Variants in ARSB observed in about 807,000 individuals in gnomAD.
ARSB encodes the protein N-acetylgalactosamine-4-sulfatase.
A neutral mutation model predicts 50.9 loss-of-function variants in ARSB; 41 were observed. That is an observed-to-expected ratio of 0.81 (90% CI 0.63 to 1.04). ARSB has a LOEUF of 1.04. Ranked by LOEUF, ARSB falls within the 50% of genes least tolerant of loss-of-function variation. ARSB has a pLI of 0.00. For synonymous variants in ARSB, 269 were observed against 284.8 expected (o/e 0.94, Z 0.56); for missense variants, 672 against 693.3 (o/e 0.97, Z 0.35).
chr5:78,961,864 C>CT (rs1751999316), intron 3 of ARSB, among the ~76,000 whole-genome samples: 1 of 151,982 alleles, frequency 6.6e-6, no homozygotes, highest in Non-Finnish European at 1.5e-5. Flanking sequence ...ATTAGAATCA[C>CT]TGGTAGGAGC....
At chr5:78,846,351 G>A (rs935619025) in intron 5 of ARSB, among the ~76,000 whole-genome samples, 1 of 152,070 alleles carries the variant, frequency 6.6e-6, no homozygotes, top group African/African-American at 2.4e-5. Flanking sequence ...ATTCAGGATT[G>A]CTTTGGCTAT....
At chr5:78,945,316 A>C (rs1751169164) in intron 4 of ARSB, among the ~76,000 whole-genome samples, 1 of 152,152 alleles carries the variant, frequency 6.6e-6, no homozygotes, top group Non-Finnish European at 1.5e-5. Flanking sequence ...CCCCAGTGAG[A>C]TGAACCCAGT....
At chr5:78,792,574 G>C (rs1450581473) in intron 6 of ARSB, among the ~76,000 whole-genome samples, 1 of 152,084 alleles carries the variant, frequency 6.6e-6, no homozygotes, top group Non-Finnish European at 1.5e-5. Flanking sequence ...TAACCACTCT[G>C]AGTTCCTGTT....
chr5:78,850,880 G>C (rs1269950786), intron 5 of ARSB, among the ~76,000 whole-genome samples: 4 of 152,152 alleles, frequency 2.6e-5, no homozygotes, highest in Non-Finnish European at 5.9e-5. Context: ...ATGGTAGTTT[G>C]TATTTCTGTG....
chr5:78,966,487 G>A (rs1752211391), intron 2 of ARSB, among the ~76,000 whole-genome samples: 1 of 152,196 alleles, frequency 6.6e-6, no homozygotes, highest in Non-Finnish European at 1.5e-5. Context: ...TTGGTTTCTA[G>A]TGTATTCACA....
intron 3 of ARSB, among the ~76,000 whole-genome samples, chr5:78,962,524 A>ATTTTGTTTTTTTT (rs1752034619): frequency 9.4e-6 from 1 of 106,222 alleles, no homozygotes; most frequent in African/African-American, 4.0e-5. Flanking sequence ...CATGTGCTCG[A>ATTTTGTTTTTTTT]TTTTTTTTTT....
chr5:78,957,460 A>T (rs1161575975), intron 3 of ARSB, among the ~76,000 whole-genome samples: 2 of 152,210 alleles, frequency 1.3e-5, no homozygotes, highest in Non-Finnish European at 2.9e-5. Flanking sequence ...CTAAACTCAC[A>T]AAGTTAAAAA....
chr5:78,879,526 GCA>G (rs1747645047), intron 5 of ARSB, among the ~76,000 whole-genome samples: 1 of 152,192 alleles, frequency 6.6e-6, no homozygotes, highest in African/African-American at 2.4e-5. Flanking sequence ...GATGCTCTCA[GCA>G]CAGACAACTG....
At chr5:78,806,851 C>T (rs967770496) in intron 6 of ARSB, among the ~76,000 whole-genome samples, 5 of 152,190 alleles carry the variant, frequency 3.3e-5, no homozygotes, top group South Asian at 2.1e-4. Context: ...CTAGACAAGA[C>T]GGTTACCTCA....
intron 5 of ARSB, chr5:78,883,589 G>A (rs1220732495): frequency 1.3e-5 from 2 of 152,138 alleles, no homozygotes; most frequent in Non-Finnish European, 2.9e-5. Flanking sequence ...ATAAATTCTC[G>A]AAGGAAAACA....
At chr5:78,894,116 C>T (rs1748460222) in intron 4 of ARSB, among the ~76,000 whole-genome samples, 1 of 152,174 alleles carries the variant, frequency 6.6e-6, no homozygotes, top group Admixed American at 6.5e-5. Flanking sequence ...AAAAGTACCA[C>T]ACAAGTGCTG....
At chr5:78,925,507 G>C (rs1048965741) in intron 4 of ARSB, among the ~76,000 whole-genome samples, 1 of 151,988 alleles carries the variant, frequency 6.6e-6, no homozygotes, top group Non-Finnish European at 1.5e-5. Context: ...GAGGAAAGAA[G>C]TAGCAAGATT....
intron 4 of ARSB, among the ~76,000 whole-genome samples, chr5:78,920,985 CT>C (rs1749785896): frequency 6.6e-6 from 1 of 152,104 alleles, no homozygotes; most frequent in South Asian, 2.1e-4. Flanking sequence ...TGTAGATTCT[CT>C]TTTGAAGATT....
intron 6 of ARSB, among the ~76,000 whole-genome samples, chr5:78,836,649 G>T (rs980950668): frequency 6.6e-6 from 1 of 152,174 alleles, no homozygotes; most frequent in African/African-American, 2.4e-5. Flanking sequence ...CCTTTTGCCT[G>T]TGCTGTTATT....
chr5:78,947,953 C>T (rs1751319851), intron 4 of ARSB, among the ~76,000 whole-genome samples: 1 of 152,116 alleles, frequency 6.6e-6, no homozygotes, highest in South Asian at 2.1e-4. Context: ...TATTCAGTCA[C>T]ATAAAAGAAT....
rs542771612 is a variant in ARSB at position 78,859,368 on chromosome 5, T to C, written c.1143-19942A>G. On this transcript the variant is annotated intron_variant, in intron 5 of 7. Transcript: ENST00000264914. ...AAAAAAGTAATCAAAAATCACTGAA[T>C]CATACCCTTAATATAATCTTTTCCT... Among the ~76,000 whole-genome samples, 3 of 152,320 alleles carry C rather than the reference T, an allele frequency of 2.0e-5. No homozygotes were observed. In the South Asian group the frequency reaches 6.2e-4, roughly 32 times the overall value.
chr5:78,849,406 T>C (rs1368832136), intron 5 of ARSB, among the ~76,000 whole-genome samples: 2 of 152,138 alleles, frequency 1.3e-5, no homozygotes, highest in African/African-American at 2.4e-5. Flanking sequence ...GAGGGCTCTG[T>C]TCTGTTCCAT....
chr5:78,904,049 G>A (rs1004661230), intron 4 of ARSB, among the ~76,000 whole-genome samples: 17 of 152,210 alleles, frequency 1.1e-4, no homozygotes, highest in Admixed American at 9.2e-4. Context: ...CTTCTCTGTC[G>A]TTAAGGTTTT....
chr5:78,932,157 G>A (rs534884759), intron 4 of ARSB, among the ~76,000 whole-genome samples: 2 of 152,152 alleles, frequency 1.3e-5, no homozygotes, highest in African/African-American at 2.4e-5. Flanking sequence ...AAAAAGTCAC[G>A]AGCAGTCTAA....
Sources: allele counts gnomAD v4.1 joint callset (sites outside exome capture counted in the v4.1 genomes callset), GRCh38; gene constraint gnomAD v4.1.1; transcripts MANE v1.5; gene names NCBI Gene and HGNC (gene_info 2026-07-23, HGNC 2026-07-21).